ANO4: variants seen among roughly 807,000 people sequenced by gnomAD.
The protein encoded by ANO4 is anoctamin-4.
ANO4 carries 69 observed loss-of-function variants against 141.9 expected under a neutral mutation model. The ratio of observed to expected loss-of-function variants is 0.49; its 90% CI spans 0.40 to 0.59. The LOEUF (loss-of-function observed/expected upper bound fraction) is 0.59. ANO4 is among the 20% of genes least tolerant of loss of function. The pLI, the probability that ANO4 is intolerant of heterozygous loss-of-function variation, is 0.00. For missense variants in ANO4, 894 were observed against 1,162.2 expected, an observed-to-expected ratio of 0.77 and a Z score of 3.36; for synonymous variants, 350 against 394.3, an observed-to-expected ratio of 0.89 and a Z score of 1.33.
chr12:100,769,781 C>T (rs139431720), intron 3 of ANO4, among the ~76,000 whole-genome samples: 2 of 152,136 alleles, frequency 1.3e-5, no homozygotes, highest in Middle Eastern at 3.2e-3. Flanking sequence ...GTTGCTTGAA[C>T]TTAAAACACT....
intron 3 of ANO4, among the ~76,000 whole-genome samples, chr12:100,929,005 T>C (rs1311527031): frequency 1.3e-5 from 2 of 152,098 alleles, no homozygotes; most frequent in African/African-American, 4.8e-5. Context: ...ACATAGTAGG[T>C]GTATATATTT....
chr12:101,010,246 G>A (rs567736064), intron 8 of ANO4, among the ~76,000 whole-genome samples: 2 of 152,210 alleles, frequency 1.3e-5, no homozygotes, highest in South Asian at 4.1e-4. Flanking sequence ...CAGAAAAATT[G>A]TATGCAAATG....
chr12:100,984,348 A>G (rs2044617274), intron 7 of ANO4, among the ~76,000 whole-genome samples: 1 of 152,158 alleles, frequency 6.6e-6, no homozygotes, highest in East Asian at 1.9e-4. Flanking sequence ...TGGGAGGCCA[A>G]GGCAGGCAGA....
chr12:100,822,997 A>T (rs1846185204), intron 1 of ANO4, among the ~76,000 whole-genome samples: 1 of 152,052 alleles, frequency 6.6e-6, no homozygotes, highest in South Asian at 2.1e-4. Flanking sequence ...AACAACATAT[A>T]CACTAAAGAA....
At position 100,752,632 on chromosome 12, in the gene ANO4, G is replaced by T. The variant is rs2032433730; in HGVS notation, c.358+12527G>T. On this transcript the variant is annotated intron_variant, in intron 3 of 29. Transcript: ENST00000644049. ...AATGTGTGTGTGTGTGAGGTCTGTT[G>T]TACAAGGAAATTATTTCTCTTTGAG... Among the ~76,000 whole-genome samples the T allele has an allele frequency of 2.6e-5, 4 of 152,026 alleles. No homozygotes were observed. In the South Asian group the frequency reaches 8.3e-4, roughly 32 times the overall value.
chr12:100,902,685 GTAACCTTGCTTCC>G (rs2040651790), intron 2 of ANO4, among the ~76,000 whole-genome samples: 1 of 152,188 alleles, frequency 6.6e-6, no homozygotes, highest in Non-Finnish European at 1.5e-5. Flanking sequence ...CTCTTAGCAT[GTAACCTTGCTTCC>G]TAACCCATCA....
At chr12:100,819,069 G>T (rs12824939) in intron 1 of ANO4, among the ~76,000 whole-genome samples, 1 of 149,866 alleles carries the variant, frequency 6.7e-6, no homozygotes, top group Non-Finnish European at 1.5e-5. Flanking sequence ...ATGTATGTGT[G>T]TATATATATA....
chr12:100,869,927 A>C (rs1443575676), intron 1 of ANO4, among the ~76,000 whole-genome samples: 1 of 152,130 alleles, frequency 6.6e-6, no homozygotes, highest in African/African-American at 2.4e-5. Flanking sequence ...AACTTGAATA[A>C]CTGATGTCAC....
At chr12:101,054,920 A>G (rs111797848) in intron 14 of ANO4, among the ~76,000 whole-genome samples, 2 of 152,104 alleles carry the variant, frequency 1.3e-5, no homozygotes, top group South Asian at 2.1e-4. Flanking sequence ...TATTCAATAT[A>G]TAGCATTTTG....
At chr12:100,810,972 A>C (rs1315812803) in intron 1 of ANO4, among the ~76,000 whole-genome samples, 2 of 152,176 alleles carry the variant, frequency 1.3e-5, no homozygotes, top group African/African-American at 2.4e-5. Flanking sequence ...AAATAGGGTC[A>C]ATCAGAAGTA....
intron 2 of ANO4, among the ~76,000 whole-genome samples, chr12:100,920,542 A>G (rs1473335678): frequency 1.4e-5 from 2 of 145,674 alleles, no homozygotes; most frequent in Non-Finnish European, 3.1e-5. Context: ...GTAACTGGCC[A>G]TGGAAGAAAA....
chr12:100,887,018 T>G (rs980783313), intron 1 of ANO4, among the ~76,000 whole-genome samples: 1 of 152,226 alleles, frequency 6.6e-6, no homozygotes, highest in Non-Finnish European at 1.5e-5. Context: ...TCAGTAGTTG[T>G]TGGGGACAAT....
intron 5 of ANO4, among the ~76,000 whole-genome samples, chr12:100,951,518 A>T (rs1566048867): frequency 6.6e-6 from 1 of 152,216 alleles, no homozygotes; most frequent in East Asian, 1.9e-4. Flanking sequence ...AAAGAACAAG[A>T]TCATGTTCTT....
rs936222708 is a variant in ANO4, at chr12:100,815,946, A to T, written c.-141+20919A>T. Among the ~76,000 whole-genome samples the T allele has an allele frequency of 2.0e-5, 3 of 152,090 alleles. No individual in the cohort carries two copies. In the South Asian group the frequency reaches 6.2e-4, roughly 31 times the overall value. On this transcript the variant is annotated intron_variant, in intron 1 of 27. Transcript: ENST00000392977. ...TTATGCAACTTTTGTACAGAAACAG[A>T]TCTTGTAGATTATCAGGTAGGATCT...
rs1485096400 is a variant in ANO4, at chr12:100,912,412, AAAAAG to A, written c.56-9809_56-9805del. ...TCTGTCAAAAAAAAAAAAAAAAAGAAAAAAGAAAAAAAAAAAAAAGCTGAAGCAGG... is the reference window on the plus strand; with the variant it reads ...TCTGTCAAAAAAAAAAAAAAAAAGAAAAAAAAAAAAAAAAGCTGAAGCAGG... On this transcript the variant is annotated intron_variant, in intron 2 of 27. Transcript: ENST00000392977. Among the ~76,000 whole-genome samples the A allele has an allele frequency of 4.5e-3, 443 of 98,050 alleles. 2 individuals carry two copies. The highest frequency in any genetic ancestry group is 0.014 in the African/African-American group (403 of 29,616). 64.3% of individuals were successfully genotyped at this position (98,050 alleles called of 152,430 possible).
chr12:100,802,641 C>T lies in ANO4; in HGVS notation c.-141+7614C>T, dbSNP rs148814111. 2.1e-3 allele frequency among the ~76,000 whole-genome samples: 326 copies of T among 152,282 alleles called. 2 individuals carry two copies. Among genetic ancestry groups the T allele is most frequent in the African/African-American group, 7.5e-3 (311 of 41,546 alleles). ...TCATTCATTTATTCATTCATTTGCT[C>T]ACTCCACAAGTACTTAATCGAGCAC... On this transcript the variant is annotated intron_variant, in intron 1 of 27. Transcript: ENST00000392977.
At chr12:101,055,150 T>A (rs192115129) in intron 14 of ANO4, among the ~76,000 whole-genome samples, 55 of 152,362 alleles carry the variant, frequency 3.6e-4, no homozygotes, top group African/African-American at 1.2e-3. Context: ...TTTTTGTTTT[T>A]GTAAATTTTC....
intron 3 of ANO4, among the ~76,000 whole-genome samples, chr12:100,933,297 G>A (rs2042156262): frequency 6.6e-6 from 1 of 151,980 alleles, no homozygotes; most frequent in South Asian, 2.1e-4. Flanking sequence ...AGGCCCCGGT[G>A]TGTGATGTTC....
At chr12:101,106,943 T>C (rs952343534) in intron 22 of ANO4, among the ~76,000 whole-genome samples, 3 of 151,128 alleles carry the variant, frequency 2.0e-5, no homozygotes, top group East Asian at 1.9e-4. Context: ...ACCAATATCA[T>C]GTGGGTCACC....
Sources: allele counts gnomAD v4.1 joint callset (sites outside exome capture counted in the v4.1 genomes callset), GRCh38; gene constraint gnomAD v4.1.1; transcripts MANE v1.5; gene names NCBI Gene and HGNC (gene_info 2026-07-23, HGNC 2026-07-21).